Variants in ITGA8 observed in about 807,000 individuals in gnomAD.
ITGA8 encodes the protein integrin alpha-8.
In ITGA8, 91 loss-of-function variants were observed where a neutral mutation model predicts 142.3. The ratio of observed to expected loss-of-function variants is 0.64; its 90% CI spans 0.54 to 0.76. ITGA8 has a LOEUF of 0.76. Among genes scored for constraint, ITGA8 ranks in the 30% least tolerant of loss-of-function variants. The probability of loss-of-function intolerance (pLI) is 0.00; values close to 1 mark genes in which losing one functional copy is unlikely to be tolerated. For missense variants in ITGA8, 1,406 were observed against 1,327.7 expected (o/e 1.06, Z -0.92); for synonymous variants, 505 against 485.2 (o/e 1.04, Z -0.54).
intron 23 of ITGA8, among the ~76,000 whole-genome samples, chr10:15,578,411 A>T (rs1834338351): frequency 6.6e-6 from 1 of 152,150 alleles, no homozygotes; most frequent in African/African-American, 2.4e-5. Flanking sequence ...CTATCAACCC[A>T]TCAAAGGACA....
intron 4 of ITGA8, 138 bp downstream of exon 4, chr10:15,683,866 A>G (rs1834786718): frequency 3.2e-6 from 3 of 923,804 alleles, no homozygotes; most frequent in Admixed American, 2.6e-5. Context: ...AAGGCTGACA[A>G]AAATCTTTAC....
At chr10:15,569,151 C>T (rs1834131546) in intron 25 of ITGA8, among the ~76,000 whole-genome samples, 1 of 152,110 alleles carries the variant, frequency 6.6e-6, no homozygotes, top group Non-Finnish European at 1.5e-5. Context: ...TGTATCTGAA[C>T]ACGAGGGAAA....
At chr10:15,668,659 G>A (rs1326054747) in intron 8 of ITGA8, among the ~76,000 whole-genome samples, 2 of 151,938 alleles carry the variant, frequency 1.3e-5, no homozygotes, top group African/African-American at 4.8e-5. Flanking sequence ...GGCTGGTACT[G>A]GTTGTTCCTT....
chr10:15,685,056 T>C (rs1834811234), intron 3 of ITGA8, among the ~76,000 whole-genome samples: 1 of 152,194 alleles, frequency 6.6e-6, no homozygotes, highest in African/African-American at 2.4e-5. Context: ...AAACTGAAAG[T>C]AGAAGCATCT....
chr10:15,653,449 C>T (rs578111240), intron 11 of ITGA8, among the ~76,000 whole-genome samples: 25 of 152,274 alleles, frequency 1.6e-4, no homozygotes, highest in African/African-American at 5.1e-4. Context: ...CCTTCCACAC[C>T]GTCACATCAG....
At chr10:15,539,296 C>T (rs1210754165) in intron 27 of ITGA8, among the ~76,000 whole-genome samples, 2 of 152,144 alleles carry the variant, frequency 1.3e-5, no homozygotes, top group African/African-American at 2.4e-5. Context: ...GGTATCAAAA[C>T]ACCTCATCCC....
chr10:15,626,945 G>A (rs531994560), intron 13 of ITGA8, among the ~76,000 whole-genome samples: 20 of 152,270 alleles, frequency 1.3e-4, no homozygotes, highest in East Asian at 7.7e-4. Context: ...TGCGATTGAC[G>A]GAGTTGCAAG....
chr10:15,617,388 T>C (rs1014149529), intron 13 of ITGA8, among the ~76,000 whole-genome samples: 1 of 140,402 alleles, frequency 7.1e-6, no homozygotes, highest in Non-Finnish European at 1.5e-5. Flanking sequence ...AACATAGAGG[T>C]CAAACTGTCT....
intron 11 of ITGA8, among the ~76,000 whole-genome samples, chr10:15,654,457 C>T (rs1446829376): frequency 6.6e-6 from 1 of 152,158 alleles, no homozygotes; most frequent in East Asian, 1.9e-4. Context: ...AAAGATATTT[C>T]CCAGCAGGTA....
chr10:15,536,917 C>T (rs1003327357), intron 27 of ITGA8, among the ~76,000 whole-genome samples: 2 of 152,156 alleles, frequency 1.3e-5, no homozygotes, highest in African/African-American at 4.8e-5. Flanking sequence ...AATTCCTTCC[C>T]AATAATTATT....
At chr10:15,622,670 A>G (rs755732335) in intron 13 of ITGA8, among the ~76,000 whole-genome samples, 28 of 152,200 alleles carry the variant, frequency 1.8e-4, no homozygotes, top group Non-Finnish European at 3.5e-4. Flanking sequence ...TTTATAATGT[A>G]TATGCCTGAT....
chr10:15,545,633 C>A (rs949719481), intron 27 of ITGA8, among the ~76,000 whole-genome samples: 2 of 152,006 alleles, frequency 1.3e-5, no homozygotes, highest in African/African-American at 4.8e-5. Flanking sequence ...TTTGTACTTT[C>A]ATTTCCTTGT....
chr10:15,716,022 C>T (rs1258988632), intron 2 of ITGA8, among the ~76,000 whole-genome samples: 3 of 152,182 alleles, frequency 2.0e-5, no homozygotes, highest in African/African-American at 4.8e-5. Context: ...CCCTGATGGC[C>T]GACATGGGGA....
chr10:15,623,833 A>G (rs1044428177), intron 13 of ITGA8, among the ~76,000 whole-genome samples: 6 of 152,194 alleles, frequency 3.9e-5, no homozygotes, highest in Non-Finnish European at 8.8e-5. Flanking sequence ...CAGTCCCATC[A>G]TGCCCAAATG....
At chr10:15,669,375 C>T (rs1382065972) in intron 8 of ITGA8, among the ~76,000 whole-genome samples, 9 of 152,200 alleles carry the variant, frequency 5.9e-5, no homozygotes, top group Non-Finnish European at 8.8e-5. Flanking sequence ...TCCATCAGGT[C>T]CTTTAAGGAC....
intron 2 of ITGA8, among the ~76,000 whole-genome samples, chr10:15,695,706 T>G (rs1032592826): frequency 4.6e-5 from 7 of 152,320 alleles, no homozygotes; most frequent in Non-Finnish European, 8.8e-5. Flanking sequence ...TTTCCTAGAC[T>G]TTCTAATGAG....
intron 13 of ITGA8, among the ~76,000 whole-genome samples, chr10:15,625,489 A>G (rs1029082847): frequency 1.3e-5 from 2 of 152,214 alleles, no homozygotes; most frequent in Non-Finnish European, 2.9e-5. Flanking sequence ...GTTTATTTCT[A>G]CAGTACCAGT....
At chr10:15,660,986 C>CACA in intron 8 of ITGA8, 64 bp from the exon 9 acceptor site, 1 of 1,358,642 alleles carries the variant, frequency 7.4e-7, no homozygotes, top group South Asian at 1.2e-5. Flanking sequence ...CACACACACG[C>CACA]CATATACTAA....
At chr10:15,635,011 T>A (rs1588688747) in intron 13 of ITGA8, among the ~76,000 whole-genome samples, 1 of 146,342 alleles carries the variant, frequency 6.8e-6, no homozygotes, top group East Asian at 1.9e-4. Flanking sequence ...TTCTTTTTTT[T>A]TTTTTTTTTT....
Sources: allele counts gnomAD v4.1 joint callset (sites outside exome capture counted in the v4.1 genomes callset), GRCh38; gene constraint gnomAD v4.1.1; transcripts MANE v1.5; gene names NCBI Gene and HGNC (gene_info 2026-07-23, HGNC 2026-07-21).